The following CRB2 variants were observed in gnomAD, a reference collection of about 807,000 sequenced individuals.
CRB2 encodes the protein protein crumbs homolog 2.
Under a neutral mutation model 110.9 loss-of-function variants are expected in CRB2, and 85 were observed. The ratio of observed to expected loss-of-function variants is 0.77; its 90% CI spans 0.64 to 0.92. The LOEUF is 0.92. Ranked by LOEUF, CRB2 falls within the 40% of genes least tolerant of loss-of-function variation. CRB2 has a pLI of 0.00. For missense variants in CRB2, 1,843 were observed against 1,851.3 expected (o/e 1.00, Z 0.08); for synonymous variants, 907 against 831.0 (o/e 1.09, Z -1.57).
chr9:123,359,585 A>G (rs1427350391), intron 1 of CRB2, among the ~76,000 whole-genome samples: 1 of 151,546 alleles, frequency 6.6e-6, no homozygotes, highest in African/African-American at 2.4e-5. Flanking sequence ...AGCAGCTGGG[A>G]CTACAGGGAC....
At chr9:123,380,073 G>T (rs1028734779), downstream of CRB2, 10 of 152,228 alleles carry the variant, frequency 6.6e-5, no homozygotes, top group Admixed American at 6.5e-4. Context: ...AGACATAGAG[G>T]GGGCTCCCTG....
chr9:123,364,170 T>A (rs1433495984), intron 2 of CRB2, among the ~76,000 whole-genome samples: 3 of 152,212 alleles, frequency 2.0e-5, no homozygotes, highest in Admixed American at 6.5e-5. Context: ...TTCCAGTGTC[T>A]CAGCGTCTGG....
intron 1 of CRB2, among the ~76,000 whole-genome samples, chr9:123,361,337 T>G (rs7021509): frequency 6.6e-6 from 1 of 151,954 alleles, no homozygotes; most frequent in Non-Finnish European, 1.5e-5. Flanking sequence ...AACACCTCCA[T>G]GAGATGGGCA....
At chr9:123,374,112 T>G (rs1404459279) in intron 10 of CRB2, 192 bp downstream of exon 10, 1 of 856,240 alleles carries the variant, frequency 1.2e-6, no homozygotes, top group Non-Finnish European at 1.9e-6. Context: ...CCAGTTAGCC[T>G]GGAATTTCAG....
rs3050063 is a variant in CRB2, at chr9:123,366,944, CA to C, written c.755-210del. 0.35 allele frequency among the ~76,000 whole-genome samples: 46,917 copies of C among 133,744 alleles called. 7,784 individuals carry two copies. Among genetic ancestry groups the C allele is most frequent in the Admixed American group, 0.46 (6,242 of 13,552 alleles). The allele number at this position is 133,744 out of a possible 152,430, so 87.7% of individuals were successfully genotyped here. Reference sequence around the variant, plus strand: ...TGGGCAACAGAGTGAGATTCTATCTCAAAAAAAAAAAAAAAAAATTAGTAGT... The same window carrying C: ...TGGGCAACAGAGTGAGATTCTATCTCAAAAAAAAAAAAAAAAATTAGTAGT... On this transcript the variant is annotated intron_variant, in intron 4 of 12. Coordinates refer to ENST00000373631, the MANE Select transcript of CRB2 (RefSeq NM_173689.7).
At chr9:123,359,818 G>A (rs1341384095) in intron 1 of CRB2, among the ~76,000 whole-genome samples, 1 of 152,170 alleles carries the variant, frequency 6.6e-6, no homozygotes, top group African/African-American at 2.4e-5. Context: ...TGAAAAGTAG[G>A]AGTTACTAAT....
intron 6 of CRB2, among the ~76,000 whole-genome samples, chr9:123,369,521 A>T (rs2041982993): frequency 6.6e-6 from 1 of 152,076 alleles, no homozygotes; most frequent in Admixed American, 6.6e-5. Context: ...AAGGAAGGGT[A>T]AGGGTGAATG....
At chr9:123,374,906 G>A (rs1303559189) in intron 11 of CRB2, among the ~76,000 whole-genome samples, 1 of 152,252 alleles carries the variant, frequency 6.6e-6, no homozygotes, top group Non-Finnish European at 1.5e-5. Context: ...TGGCAGTTCT[G>A]GAAACCCAGC....
chr9:123,380,111 C>G (rs1018872964), downstream of CRB2: 2 of 152,184 alleles, frequency 1.3e-5, no homozygotes, highest in Non-Finnish European at 2.9e-5. Flanking sequence ...CCCCCTTGTC[C>G]CCCAGACACC....
Position 123,362,931 on chromosome 9 carries a change from A to G in CRB2, c.161A>G (p.Gln54Arg). 3 of 1,602,730 alleles carry G rather than the reference A, an allele frequency of 1.9e-6. No homozygotes were observed. Among genetic ancestry groups the G allele is most frequent in the African/African-American group, 2.7e-5 (2 of 74,830 alleles). Residue 54 changes from glutamine to arginine, a missense_variant, in exon 2 of 13, where the codon CAG (glutamine) becomes CGG (arginine). Gln to Arg is a conservative substitution (Grantham distance 43, BLOSUM62 1). Transcript: ENST00000373631. ...CCGTGCGCTCCAGGGACCGAGTGCC[A>G]GGCTACCGAGAGTGGTGGCTATACC... is the stretch of plus-strand genomic sequence containing the variant. ...SDPCAPGTECQATESGGYTCG... is the reference protein window; with the variant it reads ...SDPCAPGTECRATESGGYTCG...
intron 2 of CRB2, 27 bp from the exon 3 acceptor site, chr9:123,365,890 A>T: frequency 1.9e-6 from 3 of 1,574,216 alleles, no homozygotes; most frequent in Non-Finnish European, 2.6e-6. Context: ...TCCATCCTGC[A>T]CCCTGTGTGT....
In CRB2 at chr9:123,367,029, C is replaced by T. The variant is rs1044412994; in HGVS notation, c.755-143C>T. The T allele has an allele frequency of 4.1e-4, 303 of 743,646 alleles. 1 individual carries two copies. The highest frequency in any genetic ancestry group is 5.9e-4 in the Non-Finnish European group (278 of 471,900). The allele number at this position is 743,646 out of a possible 1,614,324, so 46.1% of individuals were successfully genotyped here. ...CTGAAGGCTGCCGTGGTCATTCCTG[C>T]GGCCCTTAGTGTGTCCCTCCCTCGC... On this transcript the variant is annotated intron_variant, in intron 4 of 12. Transcript: ENST00000373631.
chr9:123,366,276 C>A lies in CRB2; in HGVS notation c.664C>A (p.Arg222=). 2 of 1,511,086 alleles carry A rather than the reference C, an allele frequency of 1.3e-6. No individual in the cohort carries two copies. Among genetic ancestry groups the A allele is most frequent in the Admixed American group, 2.2e-5 (1 of 45,314 alleles). 93.6% of individuals were successfully genotyped at this position (1,511,086 alleles called of 1,614,324 possible). A position where few individuals can be genotyped will look rare whatever the true frequency, so the allele number is the denominator to read the frequency against. The change falls in exon 4 of 13, where the codon CGG becomes AGG. Residue 222 remains arginine (R), a synonymous_variant. Coordinates refer to ENST00000373631, the MANE Select transcript of CRB2 (RefSeq NM_173689.7). ...CGGCTACGAGGGCACGCACTGCGAGCGGGAGGTGCTGGAGTGCGCATCGGC... is the reference window on the plus strand; with the variant it reads ...CGGCTACGAGGGCACGCACTGCGAGAGGGAGGTGCTGGAGTGCGCATCGGC... ...GTGYEGTHCE[R]EVLECASAPC... is the part of the protein sequence containing the mutation.
Position 123,373,802 on chromosome 9 carries a change from T to G in CRB2, c.3271T>G (p.Cys1091Gly). 6.3e-7 allele frequency: 1 copy of G among 1,590,188 alleles called. No homozygotes were observed. Among genetic ancestry groups the G allele is most frequent in the Non-Finnish European group, 8.5e-7 (1 of 1,176,082 alleles). ...CGGCCCGGGGTGGGAAGGCCCGCGCTGCGAAGCCCACGTCGACCCCTGTCA... is the reference window on the plus strand; with the variant it reads ...CGGCCCGGGGTGGGAAGGCCCGCGCGGCGAAGCCCACGTCGACCCCTGTCA... ...ACGPGWEGPR[C>G]EAHVDPCHSA... Residue 1091 changes from cysteine to glycine, a missense_variant, in exon 10 of 13, where the codon TGC (cysteine) becomes GGC (glycine). Cys to Gly is a radical substitution (Grantham distance 159). Coordinates refer to ENST00000373631, the MANE Select transcript of CRB2 (RefSeq NM_173689.7).
At chr9:123,360,276 C>A (rs541401483) in intron 1 of CRB2, among the ~76,000 whole-genome samples, 10 of 152,144 alleles carry the variant, frequency 6.6e-5, no homozygotes, top group Non-Finnish European at 1.2e-4. Flanking sequence ...GGCAGCAGGT[C>A]GAAGGGGAGG....
chr9:123,363,147 T>A lies in CRB2; in HGVS notation c.377T>A (p.Leu126Gln). The part of the protein sequence containing the change: ...PCHHGATCRN[L>Q]ADRYECHCPL... ...CACCATGGGGCCACCTGCCGCAACCTGGCCGATCGCTACGAGTGCCATTGC... is the reference window on the plus strand; with the variant it reads ...CACCATGGGGCCACCTGCCGCAACCAGGCCGATCGCTACGAGTGCCATTGC... Residue 126 changes from leucine to glutamine, a missense_variant, in exon 2 of 13, where the codon CTG (leucine) becomes CAG (glutamine). Coordinates refer to ENST00000373631, the MANE Select transcript of CRB2 (RefSeq NM_173689.7). The A allele has an allele frequency of 6.2e-7, 1 of 1,610,726 alleles. No individual in the cohort carries two copies. The highest frequency in any genetic ancestry group is 8.5e-7 in the Non-Finnish European group (1 of 1,179,060).
At position 123,362,972 on chromosome 9, in the gene CRB2, C is replaced by A. The variant is rs758189839; in HGVS notation, c.202C>A (p.Pro68Thr). The change falls in exon 2 of 13, where the codon CCC becomes ACC. Residue 68 changes from proline (P) to threonine (T), a missense_variant. Coordinates refer to ENST00000373631, the MANE Select transcript of CRB2 (RefSeq NM_173689.7). ...SGGYTCGPME[P>T]RGCATQPCHH... Reference sequence around the variant, plus strand: ...TGGCTATACCTGTGGGCCCATGGAGCCCCGGGGCTGTGCCACCCAGCCATG... The same window carrying A: ...TGGCTATACCTGTGGGCCCATGGAGACCCGGGGCTGTGCCACCCAGCCATG... 6.2e-7 allele frequency: 1 copy of A among 1,611,990 alleles called. No individual in the cohort carries two copies. The highest frequency in any genetic ancestry group is 8.5e-7 in the Non-Finnish European group (1 of 1,179,266).
Position 123,373,155 on chromosome 9 carries a change from G to A in CRB2, c.2624G>A (p.Arg875His), listed in dbSNP as rs2042040998. ...GFVCVAEATF[R>H]EGPPAAFSGH... is the part of the protein sequence containing the mutation. ...GCAGGTGTGGCGGAGGCCACGTTCCGCGAGGGTCCCCCCGCCGCGTTCAGC... is the reference window on the plus strand; with the variant it reads ...GCAGGTGTGGCGGAGGCCACGTTCCACGAGGGTCCCCCCGCCGCGTTCAGC... The change falls in exon 10 of 13, where the codon CGC (arginine) becomes CAC (histidine). Residue 875 changes from arginine to histidine, a missense_variant. By Grantham distance (29) the Arg-to-His change is conservative (BLOSUM62 0). Transcript: ENST00000373631. 1.3e-6 allele frequency: 2 copies of A among 1,511,364 alleles called. No homozygotes were observed. The highest frequency in any genetic ancestry group is 1.8e-6 in the Non-Finnish European group (2 of 1,135,284). 93.6% of individuals were successfully genotyped at this position (1,511,364 alleles called of 1,614,324 possible).
At chr9:123,369,846 A>G (rs2041987894) in intron 6 of CRB2, among the ~76,000 whole-genome samples, 1 of 151,704 alleles carries the variant, frequency 6.6e-6, no homozygotes, top group African/African-American at 2.4e-5. Context: ...AAGGCAGGAG[A>G]TGGGGGGTAG....
Sources: allele counts gnomAD v4.1 joint callset (sites outside exome capture counted in the v4.1 genomes callset), GRCh38; gene constraint gnomAD v4.1.1; transcripts MANE v1.5; gene names NCBI Gene and HGNC (gene_info 2026-07-23, HGNC 2026-07-21).